The following DYM variants were observed in gnomAD, a reference collection of about 807,000 sequenced individuals.
The protein encoded by DYM is dymeclin, also known as dyggve-Melchior-Clausen syndrome protein.
Under a neutral mutation model 93.1 loss-of-function variants are expected in DYM, and 78 were observed. That is an observed-to-expected ratio of 0.84 (90% CI 0.70 to 1.01). The LOEUF is 1.01. Ranked by LOEUF, DYM falls within the 50% of genes least tolerant of loss-of-function variation. DYM has a pLI of 0.00. For missense variants in DYM, 789 were observed against 845.0 expected (o/e 0.93, Z 0.82); for synonymous variants, 321 against 319.7 (o/e 1.00, Z -0.04).
intron 8 of DYM, among the ~76,000 whole-genome samples, chr18:49,288,865 T>C (rs1254992525): frequency 6.6e-6 from 1 of 151,888 alleles, no homozygotes; most frequent in African/African-American, 2.4e-5. Flanking sequence ...ACCATCAAAA[T>C]ACCAACAAGA....
At chr18:49,441,297 A>AT (rs1488042246) in intron 1 of DYM, among the ~76,000 whole-genome samples, 43 of 39,896 alleles carry the variant, frequency 1.1e-3, no homozygotes, top group Non-Finnish European at 1.6e-3. Flanking sequence ...TATATAATAT[A>AT]ATTATATATA....
chr18:49,423,675 G>C (rs917301676), intron 2 of DYM, among the ~76,000 whole-genome samples: 1 of 152,050 alleles, frequency 6.6e-6, no homozygotes, highest in African/African-American at 2.4e-5. Context: ...AGAAAAGAGA[G>C]AAGAATCAAA....
chr18:49,382,175 A>T (rs1018387287), intron 3 of DYM, among the ~76,000 whole-genome samples: 1 of 152,214 alleles, frequency 6.6e-6, no homozygotes, highest in African/African-American at 2.4e-5. Context: ...TTTTGGAAAG[A>T]GTAACCCGAC....
chr18:49,105,883 T>G (rs2080744532), intron 16 of DYM, among the ~76,000 whole-genome samples: 1 of 152,214 alleles, frequency 6.6e-6, no homozygotes, highest in Non-Finnish European at 1.5e-5. Flanking sequence ...ATGTATATTC[T>G]GCTGATTTGG....
intron 15 of DYM, among the ~76,000 whole-genome samples, chr18:49,145,129 ATATATAATT>A (rs1171968820): frequency 8.5e-6 from 1 of 117,414 alleles, no homozygotes; most frequent in Non-Finnish European, 1.7e-5. Flanking sequence ...ATATATATAT[ATATATAATT>A]TATATATATA....
rs1016690493 is a variant in DYM, at chr18:49,040,127, G to T, written c.*3928C>A. 3 of 152,264 alleles carry T rather than the reference G, an allele frequency of 2.0e-5. No individual in the cohort carries two copies. Among genetic ancestry groups the T allele is most frequent in the Non-Finnish European group, 2.9e-5 (2 of 68,046 alleles). The allele number at this position is 152,264 out of a possible 1,614,324, so 9.4% of individuals were successfully genotyped here. A position where few individuals can be genotyped will look rare whatever the true frequency, so the allele number is the denominator to read the frequency against. ...ACCCATGAGGGATAGTCCAATGACA[G>T]TAATGGAGGACCAACCCTCAAGCTA... On this transcript the variant is annotated 3_prime_UTR_variant, in exon 18 of 18. Coordinates refer to ENST00000675505, the MANE Select transcript of DYM (RefSeq NM_001353214.3).
intron 1 of DYM, among the ~76,000 whole-genome samples, chr18:49,437,016 C>T (rs945089376): frequency 1.3e-4 from 19 of 151,582 alleles, no homozygotes; most frequent in African/African-American, 4.4e-4. Context: ...GAAGCAACAA[C>T]GAGAAACAAT....
chr18:49,084,889 G>A (rs1007339450), intron 17 of DYM, among the ~76,000 whole-genome samples: 5 of 152,196 alleles, frequency 3.3e-5, no homozygotes, highest in South Asian at 2.1e-4. Flanking sequence ...TTATGAAGAC[G>A]ATGACAGTTA....
chr18:49,259,640 T>C (rs201557888), intron 11 of DYM, among the ~76,000 whole-genome samples: 2 of 151,784 alleles, frequency 1.3e-5, no homozygotes, highest in Admixed American at 6.6e-5. Flanking sequence ...TTATTGTTGA[T>C]TTTATTGAAT....
chr18:49,422,085 G>T (rs945838408), intron 2 of DYM, among the ~76,000 whole-genome samples: 2 of 152,098 alleles, frequency 1.3e-5, no homozygotes, highest in Admixed American at 6.6e-5. Flanking sequence ...CACTCTGCAG[G>T]ATATTATCCA....
At chr18:49,155,916 T>C (rs2086358559) in intron 15 of DYM, among the ~76,000 whole-genome samples, 1 of 152,240 alleles carries the variant, frequency 6.6e-6, no homozygotes, top group Non-Finnish European at 1.5e-5. Flanking sequence ...TTCATTTGTA[T>C]GTAAACCCAG....
chr18:49,367,121 T>C (rs1414474182), intron 5 of DYM, among the ~76,000 whole-genome samples: 2 of 152,164 alleles, frequency 1.3e-5, no homozygotes, highest in Non-Finnish European at 1.5e-5. Flanking sequence ...GTACTACATA[T>C]TAGTTTATAC....
chr18:49,317,546 T>C (rs1039825575), intron 8 of DYM, among the ~76,000 whole-genome samples: 2 of 146,456 alleles, frequency 1.4e-5, no homozygotes, highest in African/African-American at 5.1e-5. Context: ...CTTAGCCATC[T>C]AGATTTCTCT....
At chr18:49,271,987 G>A (rs568904089) in intron 11 of DYM, among the ~76,000 whole-genome samples, 191 bp downstream of exon 11, 2 of 130,578 alleles carry the variant, frequency 1.5e-5, no homozygotes, top group South Asian at 5.3e-4. Context: ...GTTTTTAATA[G>A]TGGTTAATAG....
intron 1 of DYM, 125 bp from the exon 2 acceptor site, chr18:49,430,572 A>T (rs2074718853): frequency 2.6e-6 from 2 of 770,280 alleles, no homozygotes; most frequent in Admixed American, 2.8e-5. Context: ...TATATTAGAC[A>T]TCAGATACAA....
chr18:49,067,745 A>G (rs1192722491), intron 17 of DYM, among the ~76,000 whole-genome samples: 2 of 152,214 alleles, frequency 1.3e-5, no homozygotes, highest in Non-Finnish European at 2.9e-5. Flanking sequence ...ACACACAACA[A>G]AATAAAGTAT....
chr18:49,241,341 T>C (rs2094003048), intron 13 of DYM, among the ~76,000 whole-genome samples: 1 of 152,210 alleles, frequency 6.6e-6, no homozygotes, highest in African/African-American at 2.4e-5. Context: ...GGATTTCAAT[T>C]TCAGCTCCAC....
At chr18:49,355,476 G>A (rs576511888) in intron 6 of DYM, among the ~76,000 whole-genome samples, 117 of 151,530 alleles carry the variant, frequency 7.7e-4, no homozygotes, top group African/African-American at 2.8e-3. Flanking sequence ...TAGATATATT[G>A]ATCAATATGA....
At chr18:49,343,610 A>C (rs2064335250) in intron 6 of DYM, among the ~76,000 whole-genome samples, 1 of 152,210 alleles carries the variant, frequency 6.6e-6, no homozygotes, top group Admixed American at 6.5e-5. Flanking sequence ...TTGTATCCCT[A>C]GCACCTAAAA....
Sources: allele counts gnomAD v4.1 joint callset (sites outside exome capture counted in the v4.1 genomes callset), GRCh38; gene constraint gnomAD v4.1.1; transcripts MANE v1.5; gene names NCBI Gene and HGNC (gene_info 2026-07-23, HGNC 2026-07-21).